SYNE2: variants seen among roughly 807,000 people sequenced by gnomAD.
SYNE2 encodes spectrin repeat containing nuclear envelope protein 2, also known as nesprin-2.
In SYNE2, 431 loss-of-function variants were observed where a neutral mutation model predicts 856.3. The ratio of observed to expected loss-of-function variants is 0.50; its 90% confidence interval spans 0.47 to 0.55. The LOEUF (loss-of-function observed/expected upper bound fraction) is 0.55, where lower values mean the gene tolerates loss of function less well. SYNE2 is among the 20% of genes least tolerant of loss of function. The probability of loss-of-function intolerance (pLI) is 0.00; values close to 1 mark genes in which losing one functional copy is unlikely to be tolerated. For missense variants in SYNE2, 8,129 were observed against 8,023.2 expected, an observed-to-expected ratio of 1.01 and a Z score of -0.50; for synonymous variants, 2,923 against 2,872.3, an observed-to-expected ratio of 1.02 and a Z score of -0.56.
At chr14:63,924,627 ATGAT>A (rs955007551) in intron 2 of SYNE2, among the ~76,000 whole-genome samples, 18 of 152,306 alleles carry the variant, frequency 1.2e-4, no homozygotes, top group African/African-American at 4.1e-4. Context: ...GCCATTATGA[ATGAT>A]ATTTTCAAAT....
At chr14:63,839,489 A>C (rs1044005688) in intron 1 of SYNE2, among the ~76,000 whole-genome samples, 1 of 152,186 alleles carries the variant, frequency 6.6e-6, no homozygotes, top group African/African-American at 2.4e-5. Context: ...CAGTTCAGCT[A>C]TTCTAGTCAT....
At chr14:63,977,461 C>G (rs898657788) in intron 12 of SYNE2, among the ~76,000 whole-genome samples, 1 of 152,200 alleles carries the variant, frequency 6.6e-6, no homozygotes, top group Non-Finnish European at 1.5e-5. Flanking sequence ...ATCTGCCCAC[C>G]TCGGCCTCCC....
intron 96 of SYNE2, among the ~76,000 whole-genome samples, chr14:64,182,794 A>G (rs538208113): frequency 5.3e-5 from 8 of 152,356 alleles, no homozygotes; most frequent in African/African-American, 1.9e-4. Context: ...CTTTCTACAC[A>G]GACACAGCAA....
intron 19 of SYNE2, among the ~76,000 whole-genome samples, chr14:63,987,643 T>C (rs1370802776): frequency 2.0e-5 from 3 of 152,238 alleles, no homozygotes; most frequent in Non-Finnish European, 4.4e-5. Flanking sequence ...TTTGAAAATA[T>C]TATATAAATC....
chr14:64,047,431 G>A lies in SYNE2; in HGVS notation c.7222-569G>A, dbSNP rs567759173. On this transcript the variant is annotated intron_variant, in intron 45 of 115. Transcript: ENST00000555002. ...GGGTGGGGATCAATCAGAGGAAAGT[G>A]TGCCAAACAGGAGGACAAGTTCTCA... Among the ~76,000 whole-genome samples, 4 of 152,306 alleles carry A rather than the reference G, an allele frequency of 2.6e-5. No individual in the cohort carries two copies. The South Asian group carries it at 8.3e-4, about 32-fold the overall frequency.
intron 62 of SYNE2, 82 bp downstream of exon 62, chr14:64,098,228 G>A (rs1595500604): frequency 6.1e-6 from 9 of 1,465,486 alleles, no homozygotes; most frequent in South Asian, 5.8e-5. Context: ...AACGACCTGT[G>A]GCATCTATGT....
intron 94 of SYNE2, 67 bp downstream of exon 94, chr14:64,170,529 C>T: frequency 1.4e-6 from 2 of 1,468,482 alleles, no homozygotes; most frequent in Admixed American, 3.9e-5. Context: ...GTTCATTCAC[C>T]TTTGGTTTAA....
intron 1 of SYNE2, among the ~76,000 whole-genome samples, chr14:63,770,050 A>T (rs1036273969): frequency 6.6e-6 from 1 of 152,002 alleles, no homozygotes; most frequent in African/African-American, 2.4e-5. Context: ...AGTAGCTGGG[A>T]CCACAGGTGT....
chr14:63,903,555 C>T (rs574107148), intron 1 of SYNE2, among the ~76,000 whole-genome samples: 3 of 152,106 alleles, frequency 2.0e-5, no homozygotes, highest in African/African-American at 7.2e-5. Context: ...CCTCAAACTT[C>T]TGGGTTTGAA....
chr14:63,992,432 C>T (rs376423083), intron 21 of SYNE2, among the ~76,000 whole-genome samples: 28 of 152,098 alleles, frequency 1.8e-4, no homozygotes, highest in South Asian at 8.3e-4. Flanking sequence ...AACACCACTA[C>T]GCCCAGCTAA....
At chr14:63,933,495 A>G (rs1340954643) in intron 2 of SYNE2, among the ~76,000 whole-genome samples, 1 of 152,210 alleles carries the variant, frequency 6.6e-6, no homozygotes. Flanking sequence ...GATTAAATGT[A>G]TTTTTATGGT....
chr14:64,155,143 G>A (rs1252828927), intron 85 of SYNE2, among the ~76,000 whole-genome samples: 1 of 152,178 alleles, frequency 6.6e-6, no homozygotes, highest in Admixed American at 6.5e-5. Context: ...AAATGAAAAC[G>A]TGTCCACGCC....
chr14:64,122,393 T>A lies in SYNE2; in HGVS notation c.13388T>A (p.Ile4463Lys). The A allele has an allele frequency of 6.2e-7, 1 of 1,614,126 alleles. No homozygotes were observed. Among genetic ancestry groups the A allele is most frequent in the Non-Finnish European group, 8.5e-7 (1 of 1,180,016 alleles). Residue 4463 changes from isoleucine (I) to lysine (K), a missense_variant, in exon 70 of 116, where the codon ATA (isoleucine) becomes AAA (lysine). Around this residue, in one of 3 missense-constraint regions of SYNE2, gnomAD observed 5,410 missense variants for 5,284.8 expected, o/e 1.02. Coordinates refer to ENST00000555002, the MANE Select transcript of SYNE2 (RefSeq NM_182914.3). ...CTGCATCATGAACTCTCATCAAAAA[T>A]AAAGCTCCCACTCCCTCAGCTTGTG... ...QYLHHELSSK[I>K]KLPLPQLVEP...
At chr14:63,956,410 G>A (rs1468738401) in intron 8 of SYNE2, 1 of 456,272 alleles carries the variant, frequency 2.2e-6, no homozygotes, top group African/African-American at 2.0e-5. Context: ...AATTTTTATT[G>A]ATGATTTTTT....
intron 2 of SYNE2, among the ~76,000 whole-genome samples, chr14:63,939,643 C>T (rs1362694468): frequency 3.3e-5 from 5 of 152,260 alleles, no homozygotes; most frequent in African/African-American, 4.8e-5. Context: ...CCACCACATC[C>T]GACCCCTACC....
chr14:64,024,275 G>A lies in SYNE2; in HGVS notation c.5656G>A (p.Gly1886Arg), dbSNP rs1453226072. The A allele has an allele frequency of 6.2e-7, 1 of 1,613,948 alleles. No individual in the cohort carries two copies. The highest frequency in any genetic ancestry group is 1.1e-5 in the South Asian group (1 of 91,050). ...TCTGAAGGATTTCTTGACTCTTGAA[G>A]GAAGAAACAGTAAAATAAAGCAGGT... ...QKLSDFLTLE[G>R]RNSKIKQVDS... Residue 1886 changes from glycine to arginine, a missense_variant, in exon 39 of 116, where the codon GGA becomes AGA. Coordinates refer to ENST00000555002, the MANE Select transcript of SYNE2 (RefSeq NM_182914.3).
At chr14:64,120,186 GT>G (rs2153664996) in intron 67 of SYNE2, among the ~76,000 whole-genome samples, 1 of 152,266 alleles carries the variant, frequency 6.6e-6, no homozygotes, top group Non-Finnish European at 1.5e-5. Context: ...AGAGATTTAT[GT>G]TCACAGAAAT....
At chr14:63,765,478 G>A (rs771344096) in intron 1 of SYNE2, among the ~76,000 whole-genome samples, 7 of 151,966 alleles carry the variant, frequency 4.6e-5, no homozygotes, top group South Asian at 4.2e-4. Flanking sequence ...TCAGCCTCCC[G>A]AGTAGCTGAG....
At chr14:63,974,361 A>G (rs1349233588) in intron 11 of SYNE2, among the ~76,000 whole-genome samples, 2 of 152,146 alleles carry the variant, frequency 1.3e-5, no homozygotes, top group South Asian at 2.1e-4. Context: ...GAGCTTTTGT[A>G]TAGAAATCAC....
Sources: gnomAD v4.1 joint callset for allele counts (sites outside exome capture counted in the v4.1 genomes callset) on GRCh38, gnomAD v4.1.1 for gene constraint, gnomAD v4.1.1 regional missense constraint, MANE v1.5 for transcripts, NCBI Gene and HGNC (gene_info 2026-07-23, HGNC 2026-07-21) for gene names.